Variants in POU3F3 observed in about 807,000 individuals in gnomAD.
The protein encoded by POU3F3 is POU class 3 homeobox 3, also known as POU domain, class 3, transcription factor 3.
A neutral mutation model predicts 8.6 loss-of-function variants in POU3F3; 1 was observed. That is an observed-to-expected ratio of 0.12 (90% CI 0.04 to 0.55). The LOEUF is 0.55. Among genes scored for constraint, POU3F3 ranks in the 20% least tolerant of loss-of-function variants. POU3F3 has a pLI of 0.91. For synonymous variants in POU3F3, 418 were observed against 327.4 expected (o/e 1.28, Z -2.99); for missense variants, 577 against 690.7 (o/e 0.84, Z 1.84).
chr2:104,876,335 G>C, the POU3F3 span, among the ~76,000 whole-genome samples: 1 of 152,186 alleles, frequency 6.6e-6, no homozygotes, highest in Non-Finnish European at 1.5e-5. Context: ...TGGGTGATTG[G>C]TGGAAATCTT....
the POU3F3 span, among the ~76,000 whole-genome samples, chr2:104,908,925 C>G: frequency 6.6e-6 from 1 of 152,080 alleles, no homozygotes; most frequent in African/African-American, 2.4e-5. Context: ...TAAAACAATT[C>G]TTTTTCTTTT....
the POU3F3 span, among the ~76,000 whole-genome samples, chr2:104,873,935 A>G: frequency 6.6e-6 from 1 of 152,076 alleles, no homozygotes; most frequent in Non-Finnish European, 1.5e-5. Context: ...CTGTCTTAAT[A>G]CGGACCCGGT....
the POU3F3 span, among the ~76,000 whole-genome samples, chr2:104,921,073 G>A: frequency 6.6e-6 from 1 of 152,154 alleles, no homozygotes; most frequent in Non-Finnish European, 1.5e-5. Flanking sequence ...GGGAGGATGA[G>A]AAATATCTTT....
At chr2:104,891,449 T>C in the POU3F3 span, among the ~76,000 whole-genome samples, 1 of 152,234 alleles carries the variant, frequency 6.6e-6, no homozygotes, top group Admixed American at 6.5e-5. Context: ...AGTCTGGCTG[T>C]ATTTTTTGCA....
chr2:104,925,996 T>G, the POU3F3 span: 1 of 152,204 alleles, frequency 6.6e-6, no homozygotes, highest in South Asian at 2.1e-4. Flanking sequence ...GCTGCCGGAT[T>G]TGGTTCTTGT....
the POU3F3 span, among the ~76,000 whole-genome samples, chr2:104,882,708 C>A: frequency 6.6e-6 from 1 of 152,188 alleles, no homozygotes; most frequent in Non-Finnish European, 1.5e-5. Context: ...TCTATGAATT[C>A]TATCATCTTC....
chr2:104,883,853 A>T, the POU3F3 span, among the ~76,000 whole-genome samples: 1 of 152,082 alleles, frequency 6.6e-6, no homozygotes, highest in Non-Finnish European at 1.5e-5. Context: ...TGTGCTTGGG[A>T]TAGTGGGGAG....
At chr2:104,870,607 G>A in the POU3F3 span, among the ~76,000 whole-genome samples, 1 of 152,228 alleles carries the variant, frequency 6.6e-6, no homozygotes, top group Non-Finnish European at 1.5e-5. Flanking sequence ...ACAATGAGCA[G>A]AGATGACCTA....
chr2:104,860,893 TA>T (rs1676648731), downstream of POU3F3, among the ~76,000 whole-genome samples: 1 of 150,960 alleles, frequency 6.6e-6, no homozygotes, highest in Non-Finnish European at 1.5e-5. Flanking sequence ...ACCATGCTCA[TA>T]ATCTGTTTTG....
At chr2:104,868,534 G>A in the POU3F3 span, 16 of 369,234 alleles carry the variant, frequency 4.3e-5, no homozygotes, top group Non-Finnish European at 7.0e-5. Flanking sequence ...GTCACCCACC[G>A]GCCAAGCCTC....
chr2:104,867,892 A>G, the POU3F3 span: 1 of 198,582 alleles, frequency 5.0e-6, no homozygotes, highest in Non-Finnish European at 1.0e-5. The surrounding 1 kb of genome is among the most constrained non-coding windows in gnomAD (Gnocchi z 5.0). Flanking sequence ...CCCAGCAGCC[A>G]AGGCTGCGCA....
At position 104,857,035 on chromosome 2, in the gene POU3F3, G is replaced by C. The variant is rs1342194414; in HGVS notation, c.*22G>C. The C allele has an allele frequency of 8.9e-6, 13 of 1,467,702 alleles. No homozygotes were observed. Among genetic ancestry groups the C allele is most frequent in the Non-Finnish European group, 1.0e-5 (11 of 1,104,258 alleles). 90.9% of individuals were successfully genotyped at this position (1,467,702 alleles called of 1,614,324 possible). On this transcript the variant is annotated 3_prime_UTR_variant, in exon 1 of 1. Coordinates refer to ENST00000361360, the MANE Select transcript of POU3F3 (RefSeq NM_006236.3). The stretch of plus-strand genomic sequence containing the variant: ...GTGAAGCCAGGGCGCAGAGCGAAGA[G>C]GGCCGCCGCCGCCGCCGCCTCCGCA...
chr2:104,877,093 A>G, the POU3F3 span, among the ~76,000 whole-genome samples: 1 of 151,986 alleles, frequency 6.6e-6, no homozygotes, highest in Admixed American at 6.6e-5. Context: ...TCCCTTGTTA[A>G]AGCTACTTCC....
At chr2:104,866,769 T>C in the POU3F3 span, 17 of 152,348 alleles carry the variant, frequency 1.1e-4, no homozygotes, top group Admixed American at 1.1e-3. Flanking sequence ...ACATGTAAGC[T>C]TGTGTGCAGG....
rs754725748 is a variant in POU3F3, at chr2:104,857,051, C to A, written c.*38C>A. The A allele has an allele frequency of 1.4e-5, 19 of 1,394,214 alleles. No homozygotes were observed. The South Asian group carries it at 2.3e-4, about 17-fold the overall frequency. The allele number at this position is 1,394,214 out of a possible 1,614,324, so 86.4% of individuals were successfully genotyped here. ...GAGCGAAGAGGGCCGCCGCCGCCGC[C>A]GCCTCCGCAGCCGCCGTCAGCACCG... On this transcript the variant is annotated 3_prime_UTR_variant, in exon 1 of 1. Transcript: ENST00000361360.
chr2:104,879,309 G>A, the POU3F3 span, among the ~76,000 whole-genome samples: 1 of 152,096 alleles, frequency 6.6e-6, no homozygotes, highest in Non-Finnish European at 1.5e-5. Context: ...GGGGTGTCCG[G>A]GAGACCAGCC....
chr2:104,872,297 A>G, the POU3F3 span: 1 of 456,496 alleles, frequency 2.2e-6, no homozygotes, highest in Admixed American at 2.3e-5. The surrounding 1 kb of genome is among the most constrained non-coding windows in gnomAD (Gnocchi z 4.6). Flanking sequence ...CCTCTTCGGG[A>G]CAACATTTGA....
At position 104,855,701 on chromosome 2, in the gene POU3F3, G is replaced by C; in HGVS notation, c.191G>C (p.Arg64Pro). The C allele has an allele frequency of 1.6e-6, 2 of 1,214,370 alleles. No individual in the cohort carries two copies. Among genetic ancestry groups the C allele is most frequent in the South Asian group, 1.6e-5 (1 of 62,830 alleles). 75.2% of individuals were successfully genotyped at this position (1,214,370 alleles called of 1,614,324 possible). Residue 64 changes from arginine (R) to proline (P), a missense_variant, in exon 1 of 1, where the codon CGG (arginine) becomes CCG (proline). This residue lies in a region of POU3F3 where 484 missense variants were observed against 422.6 expected (regional missense o/e 1.15). Transcript: ENST00000361360. ...GCCGCCGTGACCTCGGGCGCCTACC[G>C]GGGGGACCCGTCCTCTGTCAAGATG... ...GSAAVTSGAY[R>P]GDPSSVKMVQ...
chr2:104,885,851 G>A, the POU3F3 span, among the ~76,000 whole-genome samples: 1 of 151,962 alleles, frequency 6.6e-6, no homozygotes, highest in Admixed American at 6.6e-5. Flanking sequence ...AGGCTGGAGT[G>A]TGATGGCGTA....
Sources: gnomAD v4.1 joint callset for allele counts (sites outside exome capture counted in the v4.1 genomes callset) on GRCh38, gnomAD v4.1.1 for gene constraint, gnomAD v4.1.1 regional missense constraint, Gnocchi (gnomAD v3.1) non-coding constraint, MANE v1.5 for transcripts, NCBI Gene and HGNC (gene_info 2026-07-23, HGNC 2026-07-21) for gene names.